Variants in RELB observed in about 807,000 individuals in gnomAD.
RELB encodes the protein transcription factor RelB.
A neutral mutation model predicts 55.4 loss-of-function variants in RELB; 14 were observed. The ratio of observed to expected loss-of-function variants is 0.25; its 90% CI spans 0.17 to 0.40. The LOEUF is 0.40. RELB is among the 10% of genes least tolerant of loss of function. The pLI is 1.00. For missense variants in RELB, 669 were observed against 830.7 expected (o/e 0.81, Z 2.39); for synonymous variants, 409 against 371.3 (o/e 1.10, Z -1.17).
Position 45,016,048 on chromosome 19 carries a change from G to C in RELB, c.504+3772G>C, listed in dbSNP as rs182581564. 2.6e-5 allele frequency among the ~76,000 whole-genome samples: 4 copies of C among 151,986 alleles called. No individual in the cohort carries two copies. In the East Asian group the frequency reaches 7.7e-4, roughly 29 times the overall value. ...CAGTCTCGCTCTGTCACCCAGGCTG[G>C]AGTGCAGTGGCATGCAACCTCCGCC... On this transcript the variant is annotated intron_variant, in intron 4 of 11. Transcript: ENST00000221452.
In RELB at chr19:45,025,698, C is replaced by T. The variant is rs370098933; in HGVS notation, c.847C>T (p.Arg283Trp). The stretch of plus-strand genomic sequence containing the variant: ...TCGGGACCAGCAGGGACAGATGCGC[C>T]GGATGGATCCTGTGCTTTCCGAGCC... ...SYRDQQGQMR[R>W]MDPVLSEPVY... is the part of the protein sequence containing the mutation. The change falls in exon 7 of 12, where the codon CGG (arginine) becomes TGG (tryptophan). Residue 283 changes from arginine (R) to tryptophan (W), a missense_variant. Coordinates refer to ENST00000221452, the MANE Select transcript of RELB (RefSeq NM_006509.4). The T allele has an allele frequency of 3.4e-5, 55 of 1,613,830 alleles. No homozygotes were observed. The highest frequency in any genetic ancestry group is 4.5e-5 in the Non-Finnish European group (53 of 1,179,904).
At position 45,029,084 on chromosome 19, in the gene RELB, A is replaced by G. The variant is rs1021781429; in HGVS notation, c.991+92A>G. On this transcript the variant is annotated intron_variant, in intron 8 of 11. Transcript: ENST00000221452. ...GCCCGGGAAGATGAAAGGATGAGAA[A>G]GAGCTGGTTAACCAGGGCACCAGAG... The G allele has an allele frequency of 2.1e-5, 18 of 868,640 alleles. No individual in the cohort carries two copies. In the Middle Eastern group the frequency reaches 1.0e-3, roughly 49 times the overall value. The allele number at this position is 868,640 out of a possible 1,614,324, so 53.8% of individuals were successfully genotyped here.
intron 4 of RELB, among the ~76,000 whole-genome samples, chr19:45,015,448 T>C (rs1245696532): frequency 6.6e-6 from 1 of 151,958 alleles, no homozygotes; most frequent in Non-Finnish European, 1.5e-5. Context: ...TTCTAAAGCC[T>C]AATGGGCCAG....
intron 8 of RELB, 142 bp downstream of exon 8, chr19:45,029,134 T>C: frequency 1.6e-6 from 1 of 630,120 alleles, no homozygotes; most frequent in Admixed American, 2.7e-5. Flanking sequence ...ACACTGTCTT[T>C]GCAGTCAGAC....
intron 2 of RELB, among the ~76,000 whole-genome samples, chr19:45,007,569 T>C (rs1490280629): frequency 2.0e-5 from 3 of 152,066 alleles, no homozygotes; most frequent in Non-Finnish European, 4.4e-5. Context: ...TCTAAAATCA[T>C]GCCCATGGCC....
intron 2 of RELB, chr19:45,003,606 G>A (rs756904691): frequency 7.7e-6 from 4 of 518,196 alleles, no homozygotes; most frequent in African/African-American, 1.9e-5. Flanking sequence ...TGGAGCTGGG[G>A]TTTACATACT....
chr19:45,020,707 G>A (rs966726126), intron 4 of RELB, among the ~76,000 whole-genome samples: 5 of 151,134 alleles, frequency 3.3e-5, no homozygotes, highest in Middle Eastern at 3.4e-3. Context: ...ACAGGTGCCC[G>A]CCACCACGCC....
intron 4 of RELB, among the ~76,000 whole-genome samples, chr19:45,020,387 C>A (rs1971469181): frequency 6.6e-6 from 1 of 151,710 alleles, no homozygotes; most frequent in Admixed American, 6.6e-5. Context: ...CCACACCTGG[C>A]TAATTTTTGT....
rs190414967 is a variant in RELB at position 45,011,520 on chromosome 19, G to A, written c.164-416G>A. Among the ~76,000 whole-genome samples the A allele has an allele frequency of 1.3e-3, 198 of 151,336 alleles. 1 individual carries two copies. The highest frequency in any genetic ancestry group is 4.7e-3 in the African/African-American group (192 of 41,184). ...CGCCCAGGCTGGCGTGCAGTGTCAC[G>A]ATCTTGACTTACTGCAGTGTCCGCC... is the stretch of plus-strand genomic sequence containing the variant. On this transcript the variant is annotated intron_variant, in intron 3 of 11. Coordinates refer to ENST00000221452, the MANE Select transcript of RELB (RefSeq NM_006509.4).
rs541061960 is a variant in RELB at position 45,008,323 on chromosome 19, C to A, written c.155-1491C>A. 1.6e-3 allele frequency: 687 copies of A among 426,446 alleles called. 10 individuals carry two copies. Among genetic ancestry groups the A allele is most frequent in the South Asian group, 0.011 (664 of 62,140 alleles). 26.4% of individuals were successfully genotyped at this position (426,446 alleles called of 1,614,324 possible). A position where few individuals can be genotyped will look rare whatever the true frequency, so the allele number is the denominator to read the frequency against. On this transcript the variant is annotated intron_variant, in intron 2 of 11. Coordinates refer to ENST00000221452, the MANE Select transcript of RELB (RefSeq NM_006509.4). ...AATAGGCTTATGGCCCCACAACTAG[C>A]AAGTTGCAGAGCCAGGATTTGAACA...
intron 7 of RELB, among the ~76,000 whole-genome samples, chr19:45,026,928 A>C (rs1016788318): frequency 6.6e-6 from 1 of 152,164 alleles, no homozygotes; most frequent in Non-Finnish European, 1.5e-5. Context: ...TTATGGATGC[A>C]AGTGATAGAA....
chr19:45,037,743 G>C lies in RELB; in HGVS notation c.1693G>C (p.Ala565Pro). The change falls in exon 12 of 12, where the codon GCG becomes CCG. Residue 565 changes from alanine (A) to proline (P), a missense_variant. By Grantham distance (27) the Ala-to-Pro change is conservative (BLOSUM62 -1). Around this residue, in one of 3 missense-constraint regions of RELB, gnomAD observed 341 missense variants for 436.8 expected, o/e 0.78. Coordinates refer to ENST00000221452, the MANE Select transcript of RELB (RefSeq NM_006509.4). ...CATGTTCCCCAATCATTACCGCGAGGCGGCCTTTGGGGGCGGCCTCCTATC... is the reference window on the plus strand; with the variant it reads ...CATGTTCCCCAATCATTACCGCGAGCCGGCCTTTGGGGGCGGCCTCCTATC... ...SNMFPNHYRE[A>P]AFGGGLLSPG... 1 of 1,491,350 alleles carries C rather than the reference G, an allele frequency of 6.7e-7. No individual in the cohort carries two copies. The highest frequency in any genetic ancestry group is 8.9e-7 in the Non-Finnish European group (1 of 1,123,414). 92.4% of individuals were successfully genotyped at this position (1,491,350 alleles called of 1,614,324 possible).
chr19:45,026,604 C>A (rs2122470900), intron 7 of RELB, among the ~76,000 whole-genome samples: 1 of 152,084 alleles, frequency 6.6e-6, no homozygotes, highest in Non-Finnish European at 1.5e-5. Flanking sequence ...GTAGAATGAA[C>A]AATCTGTACA....
At chr19:45,020,852 C>T (rs1271955727) in intron 4 of RELB, among the ~76,000 whole-genome samples, 3 of 152,062 alleles carry the variant, frequency 2.0e-5, no homozygotes, top group South Asian at 2.1e-4. Flanking sequence ...CCACCGCACC[C>T]GGCCATGGCA....
chr19:45,005,451 C>T (rs951642069), intron 2 of RELB, among the ~76,000 whole-genome samples: 4 of 152,100 alleles, frequency 2.6e-5, no homozygotes, highest in African/African-American at 9.7e-5. Context: ...TGGGTCTGGG[C>T]CTTTCTCTGG....
intron 7 of RELB, among the ~76,000 whole-genome samples, chr19:45,028,637 G>T (rs569004787): frequency 6.6e-6 from 1 of 152,094 alleles, no homozygotes; most frequent in South Asian, 2.1e-4. Context: ...CCCGGCAAAA[G>T]ATCTTCGTTT....
At chr19:45,028,634 A>G (rs1971585343) in intron 7 of RELB, among the ~76,000 whole-genome samples, 1 of 152,104 alleles carries the variant, frequency 6.6e-6, no homozygotes, top group Admixed American at 6.6e-5. Context: ...ATGCCCGGCA[A>G]AAGATCTTCG....
chr19:45,032,209 C>G (rs1195789634), intron 8 of RELB, among the ~76,000 whole-genome samples: 2 of 151,600 alleles, frequency 1.3e-5, no homozygotes, highest in Non-Finnish European at 2.9e-5. Flanking sequence ...GCACTTCAGC[C>G]TGGAGGCAGA....
In RELB at chr19:45,020,553, C is replaced by CTTTTT. The variant is rs34030158; in HGVS notation, c.505-1482_505-1478dup. On this transcript the variant is annotated intron_variant, in intron 4 of 11. Transcript: ENST00000221452. ...TTTTAACCCCAAATGTGGCACCCAT[C>CTTTTT]TTTTTTTTTTTTTTTTTTTTTTGAG... Among the ~76,000 whole-genome samples, 100 of 86,546 alleles carry CTTTTT rather than the reference C, an allele frequency of 1.2e-3. 1 individual carries two copies. The highest frequency in any genetic ancestry group is 2.2e-3 in the East Asian group (6 of 2,708). The allele number at this position is 86,546 out of a possible 152,430, so 56.8% of individuals were successfully genotyped here.
Sources: gnomAD v4.1 joint callset for allele counts (sites outside exome capture counted in the v4.1 genomes callset) on GRCh38, gnomAD v4.1.1 for gene constraint, gnomAD v4.1.1 regional missense constraint, MANE v1.5 for transcripts, NCBI Gene and HGNC (gene_info 2026-07-23, HGNC 2026-07-21) for gene names.